LSAMP: variants seen among roughly 807,000 people sequenced by gnomAD.
The protein encoded by LSAMP is limbic system-associated membrane protein.
LSAMP carries 7 observed loss-of-function variants against 38.6 expected under a neutral mutation model. The observed-to-expected ratio is 0.18, with a 90% CI of 0.10 to 0.34. LSAMP has a LOEUF of 0.34. Among genes scored for constraint, LSAMP ranks in the 10% least tolerant of loss-of-function variants. LSAMP has a pLI of 1.00. For synonymous variants in LSAMP, 154 were observed against 166.8 expected, an observed-to-expected ratio of 0.92 and a Z score of 0.59; for missense variants, 313 against 420.0, an observed-to-expected ratio of 0.75 and a Z score of 2.23.
Position 115,842,477 on chromosome 3 carries a change from A to G in LSAMP, c.751T>C (p.Trp251Arg). ...ASAVPAPDFEWYRDDTRINSA... is the reference protein window; with the variant it reads ...ASAVPAPDFERYRDDTRINSA... ...ACATACCTAGTGTCATCCCGGTACC[A>G]CTCAAAGTCAGGTGCAGGCACTGCC... Residue 251 changes from tryptophan (W) to arginine (R), a missense_variant, in exon 5 of 7, where the codon TGG becomes CGG. Transcript: ENST00000490035. 1 of 1,613,922 alleles carries G rather than the reference A, an allele frequency of 6.2e-7. No homozygotes were observed. Among genetic ancestry groups the G allele is most frequent in the Non-Finnish European group, 8.5e-7 (1 of 1,179,882 alleles).
At chr3:115,833,188 G>A (rs577775180) in intron 6 of LSAMP, among the ~76,000 whole-genome samples, 2 of 152,166 alleles carry the variant, frequency 1.3e-5, no homozygotes, top group East Asian at 3.9e-4. Flanking sequence ...GTCAATCTCT[G>A]CAGCAACACT....
At chr3:116,440,744 T>C (rs1383531973) in intron 1 of LSAMP, among the ~76,000 whole-genome samples, 2 of 152,236 alleles carry the variant, frequency 1.3e-5, no homozygotes, top group African/African-American at 4.8e-5. Flanking sequence ...TTATCTGCAA[T>C]GCACGATCCT....
intron 1 of LSAMP, among the ~76,000 whole-genome samples, chr3:116,300,465 G>A (rs2047391179): frequency 6.6e-6 from 1 of 152,078 alleles, no homozygotes. Context: ...TTAAATCAGG[G>A]GTCCCCAGCC....
chr3:115,869,269 G>GGGGAGAGA (rs1352019629), intron 3 of LSAMP, among the ~76,000 whole-genome samples: 1 of 128,452 alleles, frequency 7.8e-6, no homozygotes, highest in Admixed American at 9.0e-5. Flanking sequence ...TCTTGGAGGG[G>GGGGAGAGA]GAGAGAGAGA....
intron 3 of LSAMP, among the ~76,000 whole-genome samples, chr3:115,994,075 C>G (rs551666541): frequency 6.6e-6 from 1 of 152,168 alleles, no homozygotes; most frequent in African/African-American, 2.4e-5. Context: ...TGATTTGAAT[C>G]TGGCCTTTGG....
chr3:116,322,868 C>A (rs959312511), intron 1 of LSAMP, among the ~76,000 whole-genome samples: 2 of 152,162 alleles, frequency 1.3e-5, no homozygotes, highest in Middle Eastern at 3.4e-3. Flanking sequence ...CTCTTATCCT[C>A]GCCCTTCTTT....
chr3:116,339,567 T>C (rs530277697), intron 1 of LSAMP, among the ~76,000 whole-genome samples: 2 of 151,996 alleles, frequency 1.3e-5, no homozygotes, highest in East Asian at 3.9e-4. Flanking sequence ...TTCTCTCCCC[T>C]GGAACCTGGA....
At chr3:115,903,465 T>G (rs1168521035) in intron 3 of LSAMP, among the ~76,000 whole-genome samples, 2 of 152,060 alleles carry the variant, frequency 1.3e-5, no homozygotes, top group Non-Finnish European at 2.9e-5. Context: ...ATAAAAAACC[T>G]GTACATGTAC....
At chr3:115,848,678 C>G (rs1935235793) in intron 4 of LSAMP, among the ~76,000 whole-genome samples, 1 of 152,114 alleles carries the variant, frequency 6.6e-6, no homozygotes. Context: ...TTGATTAGCT[C>G]TAGACACCAG....
rs541929706 is a variant in LSAMP, at chr3:116,096,358, C to T, written c.156-9802G>A. 3.3e-5 allele frequency among the ~76,000 whole-genome samples: 5 copies of T among 152,300 alleles called. No homozygotes were observed. The South Asian group carries it at 1.0e-3, about 32-fold the overall frequency. ...TTTTTGGGATCAATCCAGCAACTCCCAGATATTGTGGCTCAATCCAATCTT... is the reference window on the plus strand; with the variant it reads ...TTTTTGGGATCAATCCAGCAACTCCTAGATATTGTGGCTCAATCCAATCTT... On this transcript the variant is annotated intron_variant, in intron 1 of 6. Coordinates refer to ENST00000490035, the MANE Select transcript of LSAMP (RefSeq NM_002338.5).
intron 3 of LSAMP, among the ~76,000 whole-genome samples, chr3:115,896,747 T>G (rs1207888147): frequency 1.3e-5 from 2 of 152,138 alleles, no homozygotes; most frequent in Non-Finnish European, 2.9e-5. Context: ...GGTCTCATGG[T>G]ATGCAGCTTT....
intron 1 of LSAMP, among the ~76,000 whole-genome samples, chr3:116,330,786 A>C (rs2047841352): frequency 6.6e-6 from 1 of 152,126 alleles, no homozygotes; most frequent in African/African-American, 2.4e-5. Flanking sequence ...AAAAACATCA[A>C]ACTAAGTATG....
At chr3:115,965,607 G>GTT (rs57505678) in intron 3 of LSAMP, among the ~76,000 whole-genome samples, 3 of 137,152 alleles carry the variant, frequency 2.2e-5, no homozygotes, top group South Asian at 2.4e-4. Flanking sequence ...TGTATTTTAG[G>GTT]TTTTTTTTTT....
chr3:116,227,819 A>C (rs573537820), intron 1 of LSAMP, among the ~76,000 whole-genome samples: 2 of 152,144 alleles, frequency 1.3e-5, no homozygotes, highest in Admixed American at 6.5e-5. Context: ...TTTTAACTAC[A>C]TGATTTTGCC....
At chr3:116,388,097 C>A (rs2048647646) in intron 1 of LSAMP, among the ~76,000 whole-genome samples, 2 of 151,578 alleles carry the variant, frequency 1.3e-5, no homozygotes, top group Admixed American at 1.3e-4. Context: ...GTGGTGGGGG[C>A]AAGTAGAGAG....
intron 3 of LSAMP, among the ~76,000 whole-genome samples, chr3:115,981,740 A>G (rs1939366247): frequency 6.6e-6 from 1 of 152,188 alleles, no homozygotes; most frequent in African/African-American, 2.4e-5. Flanking sequence ...TTCTGAGAGC[A>G]TTATTTAACA....
intron 2 of LSAMP, among the ~76,000 whole-genome samples, chr3:116,038,201 C>T (rs2035857750): frequency 6.6e-6 from 1 of 152,040 alleles, no homozygotes; most frequent in Admixed American, 6.6e-5. Context: ...GTTTTCTCAC[C>T]TGAAGGATGG....
chr3:115,827,733 T>C (rs940769329), intron 6 of LSAMP, among the ~76,000 whole-genome samples: 3 of 152,164 alleles, frequency 2.0e-5, no homozygotes, highest in Non-Finnish European at 2.9e-5. Context: ...TAAGCTGACA[T>C]TCTCCGTGGA....
chr3:116,112,236 C>G (rs1214121693), intron 1 of LSAMP, among the ~76,000 whole-genome samples: 1 of 152,164 alleles, frequency 6.6e-6, no homozygotes, highest in African/African-American at 2.4e-5. Flanking sequence ...AAATGTGTGT[C>G]TTGGGACTGC....
Sources: gnomAD v4.1 joint callset for allele counts (sites outside exome capture counted in the v4.1 genomes callset) on GRCh38, gnomAD v4.1.1 for gene constraint, MANE v1.5 for transcripts, NCBI Gene and HGNC (gene_info 2026-07-23, HGNC 2026-07-21) for gene names.